The following ARHGAP15 variants were observed in gnomAD, a reference collection of about 807,000 sequenced individuals.
The protein encoded by ARHGAP15 is Rho GTPase activating protein 15.
ARHGAP15 carries 51 observed loss-of-function variants against 63.7 expected under a neutral mutation model. The observed-to-expected ratio is 0.80, with a 90% CI of 0.64 to 1.01. ARHGAP15 has a LOEUF of 1.01. Ranked by LOEUF, ARHGAP15 falls within the 50% of genes least tolerant of loss-of-function variation. The probability of loss-of-function intolerance (pLI) is 0.00; values close to 1 mark genes in which losing one functional copy is unlikely to be tolerated. For synonymous variants in ARHGAP15, 191 were observed against 193.8 expected (o/e 0.99, Z 0.12); for missense variants, 560 against 564.6 (o/e 0.99, Z 0.08).
intron 12 of ARHGAP15, among the ~76,000 whole-genome samples, chr2:143,657,213 G>A (rs1043663309): frequency 6.6e-6 from 1 of 152,216 alleles, no homozygotes; most frequent in East Asian, 1.9e-4. Context: ...CGGGCGTTGC[G>A]GCTGGCGCTT....
At chr2:143,708,678 G>A (rs768385258) in intron 13 of ARHGAP15, among the ~76,000 whole-genome samples, 3 of 151,766 alleles carry the variant, frequency 2.0e-5, no homozygotes, top group Admixed American at 6.6e-5. Context: ...CTAGTCTGCC[G>A]GCCTTTGGGG....
At chr2:143,592,406 T>C (rs1697356568) in intron 11 of ARHGAP15, among the ~76,000 whole-genome samples, 1 of 152,254 alleles carries the variant, frequency 6.6e-6, no homozygotes, top group South Asian at 2.1e-4. Flanking sequence ...TGTGTCGTTC[T>C]GTAAGAAACC....
At chr2:143,202,042 G>A in intron 2 of ARHGAP15, 92 bp from the exon 3 acceptor site, 1 of 952,654 alleles carries the variant, frequency 1.0e-6, no homozygotes, top group South Asian at 1.3e-5. Flanking sequence ...TCACATGCTT[G>A]AATAACACTG....
chr2:143,198,475 C>A (rs1396233010), intron 2 of ARHGAP15, among the ~76,000 whole-genome samples: 1 of 151,858 alleles, frequency 6.6e-6, no homozygotes, highest in Non-Finnish European at 1.5e-5. Flanking sequence ...ACTTAAATAG[C>A]TTTATTTTAA....
intron 6 of ARHGAP15, among the ~76,000 whole-genome samples, chr2:143,317,058 A>C (rs948187489): frequency 6.6e-6 from 1 of 151,994 alleles, no homozygotes; most frequent in African/African-American, 2.4e-5. Context: ...CTCTCTCTCC[A>C]ACTTTACCCT....
intron 11 of ARHGAP15, chr2:143,571,930 C>A (rs72857930): frequency 0.19 from 28,547 of 152,122 alleles, 3,078 homozygotes; most frequent in Middle Eastern, 0.27. Flanking sequence ...AGTGGTTTTG[C>A]TGATGGATGA....
At chr2:143,328,379 G>A (rs565268535) in intron 6 of ARHGAP15, among the ~76,000 whole-genome samples, 2 of 152,142 alleles carry the variant, frequency 1.3e-5, no homozygotes, top group South Asian at 2.1e-4. Flanking sequence ...AGAAAATGTG[G>A]CACATATACA....
chr2:143,252,896 T>C (rs1381853160), intron 6 of ARHGAP15, among the ~76,000 whole-genome samples: 1 of 152,060 alleles, frequency 6.6e-6, no homozygotes, highest in Non-Finnish European at 1.5e-5. Flanking sequence ...TCTCAAATGA[T>C]CAGAATAAAC....
intron 11 of ARHGAP15, among the ~76,000 whole-genome samples, chr2:143,606,059 A>ACC: frequency 8.7e-6 from 1 of 115,100 alleles, no homozygotes; most frequent in East Asian, 2.8e-4. Flanking sequence ...AAAAAAAAAA[A>ACC]AAAAAAAAAA....
chr2:143,201,298 T>A lies in ARHGAP15; in HGVS notation c.166-836T>A, dbSNP rs949784123. Among the ~76,000 whole-genome samples the A allele has an allele frequency of 9.9e-5, 15 of 151,894 alleles. No individual in the cohort carries two copies. The East Asian group carries it at 2.9e-3, about 30-fold the overall frequency. ...ATGCCTAGCTAATTAAAAAAAAATT[T>A]TTTTTGTAGAGTTGGAGTCTCACTA... is the stretch of plus-strand genomic sequence containing the variant. On this transcript the variant is annotated intron_variant, in intron 2 of 13. Coordinates refer to ENST00000295095, the MANE Select transcript of ARHGAP15 (RefSeq NM_018460.4).
chr2:143,691,400 A>T (rs1574846529), intron 12 of ARHGAP15, among the ~76,000 whole-genome samples: 1 of 152,170 alleles, frequency 6.6e-6, no homozygotes, highest in Admixed American at 6.5e-5. Flanking sequence ...AAGCAAAAGC[A>T]CTTCTCTCCC....
rs910503272 is a variant in ARHGAP15 at position 143,435,761 on chromosome 2, C to T, written c.573+62C>T. ...AAATGTAGTCATTTAAATCTTATTG[C>T]TCAGGCATATAACACACACACTCAT... On this transcript the variant is annotated intron_variant, in intron 7 of 13. Transcript: ENST00000295095. 5 of 1,492,418 alleles carry T rather than the reference C, an allele frequency of 3.4e-6. No homozygotes were observed. The Admixed American group carries it at 9.8e-5, about 29-fold the overall frequency. The allele number at this position is 1,492,418 out of a possible 1,614,324, so 92.4% of individuals were successfully genotyped here.
intron 10 of ARHGAP15, among the ~76,000 whole-genome samples, chr2:143,545,816 A>G (rs1346377821): frequency 6.6e-6 from 1 of 152,174 alleles, no homozygotes; most frequent in African/African-American, 2.4e-5. Flanking sequence ...GGTGGACACC[A>G]AATGGATTGC....
At chr2:143,557,639 G>GTATTGA (rs914394211) in intron 11 of ARHGAP15, among the ~76,000 whole-genome samples, 1 of 152,008 alleles carries the variant, frequency 6.6e-6, no homozygotes, top group African/African-American at 2.4e-5. Flanking sequence ...TAATAATAAT[G>GTATTGA]TATTGATATT....
chr2:143,150,834 A>C (rs2105001580), intron 1 of ARHGAP15, among the ~76,000 whole-genome samples: 1 of 152,156 alleles, frequency 6.6e-6, no homozygotes, highest in African/African-American at 2.4e-5. Context: ...AACGTGTTCT[A>C]GGAAGAACAA....
chr2:143,211,361 C>T (rs981688322), intron 3 of ARHGAP15, among the ~76,000 whole-genome samples: 138 of 90,266 alleles, frequency 1.5e-3, no homozygotes, highest in Non-Finnish European at 1.2e-3. Context: ...GGGTGGGGGG[C>T]GGGAATTTAA....
intron 2 of ARHGAP15, among the ~76,000 whole-genome samples, chr2:143,176,560 A>G (rs1029541936): frequency 6.6e-6 from 1 of 152,222 alleles, no homozygotes; most frequent in South Asian, 2.1e-4. Context: ...GTAGTAAAAA[A>G]AAACTAGTAA....
At chr2:143,560,415 T>C (rs1459081063) in intron 11 of ARHGAP15, among the ~76,000 whole-genome samples, 2 of 152,164 alleles carry the variant, frequency 1.3e-5, no homozygotes, top group African/African-American at 4.8e-5. Context: ...TTTACAGATG[T>C]AAAAACTGAG....
At chr2:143,516,700 T>C (rs1366478878) in intron 9 of ARHGAP15, among the ~76,000 whole-genome samples, 1 of 152,192 alleles carries the variant, frequency 6.6e-6, no homozygotes, top group Admixed American at 6.5e-5. Context: ...GACTGTAATC[T>C]CCAGACAATG....
Sources: gnomAD v4.1 joint callset for allele counts (sites outside exome capture counted in the v4.1 genomes callset) on GRCh38, gnomAD v4.1.1 for gene constraint, MANE v1.5 for transcripts, NCBI Gene and HGNC (gene_info 2026-07-23, HGNC 2026-07-21) for gene names.